The following SLC38A9 variants were observed in gnomAD, a reference collection of about 807,000 sequenced individuals.
SLC38A9 encodes the protein neutral amino acid transporter 9.
SLC38A9 carries 48 observed loss-of-function variants against 62.3 expected under a neutral mutation model. The ratio of observed to expected loss-of-function variants is 0.77; its 90% CI spans 0.61 to 0.98. SLC38A9 has a LOEUF of 0.98. SLC38A9 is among the 50% of genes least tolerant of loss of function. SLC38A9 has a pLI of 0.00. For synonymous variants in SLC38A9, 204 were observed against 227.7 expected (o/e 0.90, Z 0.94); for missense variants, 541 against 679.8 (o/e 0.80, Z 2.27).
Position 55,652,165 on chromosome 5 carries a change from C to T in SLC38A9, c.952+364G>A, listed in dbSNP as rs141456082. On this transcript the variant is annotated intron_variant, in intron 10 of 15. Coordinates refer to ENST00000396865, the MANE Select transcript of SLC38A9 (RefSeq NM_173514.4). Reference sequence around the variant, plus strand: ...CCTAAGGTCAGGGGTTTGAGACCAGCCTGGACAACATGGTGAAATCCCACC... The same window carrying T: ...CCTAAGGTCAGGGGTTTGAGACCAGTCTGGACAACATGGTGAAATCCCACC... Among the ~76,000 whole-genome samples the T allele has an allele frequency of 4.0e-3, 610 of 151,318 alleles. 2 individuals are homozygous for T. Among genetic ancestry groups the T allele is most frequent in the African/African-American group, 0.014 (580 of 41,306 alleles).
At chr5:55,691,216 G>T in intron 3 of SLC38A9, 1 of 964,980 alleles carries the variant, frequency 1.0e-6, no homozygotes, top group Non-Finnish European at 1.6e-6. Flanking sequence ...AATGCAAATA[G>T]CCATGGAAAT....
chr5:55,649,321 G>A lies in SLC38A9; in HGVS notation c.953-7C>T. 6.6e-7 allele frequency: 1 copy of A among 1,512,422 alleles called. No individual in the cohort carries two copies. The allele number at this position is 1,512,422 out of a possible 1,614,324, so 93.7% of individuals were successfully genotyped here. ...TAAAGGACAGACACTGTGCCTGTGA[G>A]GAAAAAATTCAGAAACCATTTATTA... On this transcript the variant is annotated splice_region_variant and splice_polypyrimidine_tract_variant and intron_variant, in intron 10 of 15. Transcript: ENST00000396865.
At chr5:55,680,602 G>A (rs1580326472) in intron 3 of SLC38A9, among the ~76,000 whole-genome samples, 2 of 152,020 alleles carry the variant, frequency 1.3e-5, no homozygotes, top group African/African-American at 4.8e-5. Flanking sequence ...TCCAGATTGT[G>A]AGAAATAAAT....
At chr5:55,676,631 T>C (rs1397895500) in intron 3 of SLC38A9, among the ~76,000 whole-genome samples, 1 of 152,230 alleles carries the variant, frequency 6.6e-6, no homozygotes, top group East Asian at 1.9e-4. Flanking sequence ...AATGTATTGG[T>C]TATGTTGTGG....
At chr5:55,691,760 C>T (rs1054885062) in intron 3 of SLC38A9, among the ~76,000 whole-genome samples, 52 of 152,296 alleles carry the variant, frequency 3.4e-4, no homozygotes, top group African/African-American at 1.2e-3. Flanking sequence ...ACTCACATTC[C>T]TTATTCCACC....
chr5:55,670,085 C>T (rs1256855801), intron 4 of SLC38A9, among the ~76,000 whole-genome samples: 1 of 152,170 alleles, frequency 6.6e-6, no homozygotes, highest in Non-Finnish European at 1.5e-5. Context: ...CTGCCTCAGC[C>T]TCCCGAGTAG....
At chr5:55,636,780 T>C (rs73119753) in intron 12 of SLC38A9, among the ~76,000 whole-genome samples, 7,442 of 152,242 alleles carry the variant, frequency 0.049, 313 homozygotes, top group African/African-American at 0.11. Flanking sequence ...GAAAGTAAGT[T>C]AAGGGTTTTA....
At chr5:55,712,138 A>T (rs190839083) in intron 1 of SLC38A9, 79 bp downstream of exon 1, 2 of 151,846 alleles carry the variant, frequency 1.3e-5, no homozygotes, top group African/African-American at 4.8e-5. Context: ...CCCAACTTCA[A>T]CCCTTCCCGC....
intron 3 of SLC38A9, among the ~76,000 whole-genome samples, chr5:55,679,235 TA>T (rs1405368424): frequency 2.6e-5 from 4 of 152,280 alleles, no homozygotes; most frequent in African/African-American, 9.6e-5. Flanking sequence ...TTAAGATTGT[TA>T]TTTTTTTTTT....
intron 2 of SLC38A9, among the ~76,000 whole-genome samples, chr5:55,706,947 T>C (rs1489176612): frequency 7.5e-6 from 1 of 133,084 alleles, no homozygotes; most frequent in Non-Finnish European, 1.6e-5. Context: ...ATATGCTTTC[T>C]TTTTTTTTTT....
chr5:55,695,438 G>A (rs1213598950), intron 3 of SLC38A9, among the ~76,000 whole-genome samples: 1 of 88,420 alleles, frequency 1.1e-5, no homozygotes, highest in Admixed American at 1.1e-4. Context: ...TTGTGTCCCT[G>A]GGTACTTGAG....
At chr5:55,708,262 C>T (rs562937562) in intron 2 of SLC38A9, among the ~76,000 whole-genome samples, 87 of 152,174 alleles carry the variant, frequency 5.7e-4, no homozygotes, top group African/African-American at 1.5e-3. Context: ...CCCAGGAGTT[C>T]GAGATTGCAG....
chr5:55,685,132 T>C (rs73121388), intron 3 of SLC38A9, among the ~76,000 whole-genome samples: 5,580 of 152,270 alleles, frequency 0.037, 139 homozygotes, highest in African/African-American at 0.07. Context: ...TGTCAGCTTT[T>C]CTAGTTATTC....
chr5:55,688,487 C>T (rs577976239), intron 3 of SLC38A9, among the ~76,000 whole-genome samples: 2 of 148,114 alleles, frequency 1.4e-5, no homozygotes, highest in Non-Finnish European at 3.0e-5. Flanking sequence ...TCACACCATT[C>T]TCCTGCCTCA....
intron 12 of SLC38A9, 115 bp downstream of exon 12, chr5:55,645,674 A>T: frequency 1.4e-6 from 1 of 737,186 alleles, no homozygotes; most frequent in Non-Finnish European, 2.3e-6. Context: ...TTTAAAAATT[A>T]AGATCTTGTA....
At chr5:55,707,459 TA>T (rs1757436208) in intron 2 of SLC38A9, among the ~76,000 whole-genome samples, 3 of 152,188 alleles carry the variant, frequency 2.0e-5, no homozygotes, top group Middle Eastern at 6.8e-3. Context: ...CTGTCTCTAC[TA>T]AAAGTACAAA....
intron 3 of SLC38A9, among the ~76,000 whole-genome samples, chr5:55,679,645 T>G (rs2150417267): frequency 6.6e-6 from 1 of 152,158 alleles, no homozygotes; most frequent in African/African-American, 2.4e-5. Context: ...GCTTAAAGAA[T>G]TATATAAACA....
intron 2 of SLC38A9, among the ~76,000 whole-genome samples, chr5:55,708,373 C>T (rs1235914236): frequency 2.6e-5 from 4 of 152,002 alleles, no homozygotes; most frequent in Non-Finnish European, 5.9e-5. Context: ...CACTTCTCTC[C>T]GTAAAAAGGA....
At position 55,691,170 on chromosome 5, in the gene SLC38A9, G is replaced by T. The variant is rs567813761; in HGVS notation, c.113+6676C>A. 2.0e-3 allele frequency: 1,559 copies of T among 799,078 alleles called. 16 individuals carry two copies. Among genetic ancestry groups the T allele is most frequent in the Middle Eastern group, 9.6e-3 (44 of 4,568 alleles). 49.5% of individuals were successfully genotyped at this position (799,078 alleles called of 1,614,324 possible). On this transcript the variant is annotated intron_variant, in intron 3 of 15. Coordinates refer to ENST00000396865, the MANE Select transcript of SLC38A9 (RefSeq NM_173514.4). ...AGTTAGAAAAATCTTGAAACTTTTG[G>T]TTAGGACTTCATATTTACCGGATTC...
Sources: allele counts gnomAD v4.1 joint callset (sites outside exome capture counted in the v4.1 genomes callset), GRCh38; gene constraint gnomAD v4.1.1; transcripts MANE v1.5; gene names NCBI Gene and HGNC (gene_info 2026-07-23, HGNC 2026-07-21).